ZC3H12B: variants seen among roughly 807,000 people sequenced by gnomAD.
ZC3H12B encodes probable ribonuclease ZC3H12B.
A neutral mutation model predicts 43.9 loss-of-function variants in ZC3H12B; 7 were observed. That is an observed-to-expected ratio of 0.16 (90% CI 0.09 to 0.30). The LOEUF (loss-of-function observed/expected upper bound fraction) is 0.30. ZC3H12B is among the 10% of genes least tolerant of loss of function. The pLI is 1.00. For missense variants in ZC3H12B, 475 were observed against 670.2 expected, an observed-to-expected ratio of 0.71 and a Z score of 3.22; for synonymous variants, 222 against 241.7, an observed-to-expected ratio of 0.92 and a Z score of 0.76.
chrX:65,206,108 T>C, the ZC3H12B span, among the ~76,000 whole-genome samples: 1 of 111,875 alleles, frequency 8.9e-6, no homozygotes, highest in Non-Finnish European at 1.9e-5. Flanking sequence ...ACAAATTCAA[T>C]GCAATTTGAA....
At chrX:65,475,801 T>A (rs190084972) in intron 3 of ZC3H12B, among the ~76,000 whole-genome samples, 2 of 111,555 alleles carry the variant, frequency 1.8e-5, no homozygotes, top group Admixed American at 9.5e-5. Context: ...AACCATCAGA[T>A]CTCCTGAGAC....
At chrX:65,349,474 C>G in the ZC3H12B span, among the ~76,000 whole-genome samples, 9 of 111,472 alleles carry the variant, frequency 8.1e-5, no homozygotes, top group Admixed American at 8.6e-4. Context: ...CAACAGCGAA[C>G]AAATTCAAAA....
At chrX:65,378,302 A>T (rs748523323) in intron 2 of ZC3H12B, among the ~76,000 whole-genome samples, 1 of 111,792 alleles carries the variant, frequency 8.9e-6, no homozygotes, top group African/African-American at 3.3e-5. Context: ...AAATTGAAAG[A>T]TTAAAAAGAC....
rs753256383 is a variant in ZC3H12B, at chrX:65,472,564, T to C, written n.408-16082T>C. ...AAATTCAGCAGTTTTGTATCTTATG[T>C]TTAAGTCTTTAATCCAATTTGAGTT... is the stretch of plus-strand genomic sequence containing the variant. On this transcript the variant is annotated intron_variant and non_coding_transcript_variant, in intron 3 of 5. Coordinates refer to the ZC3H12B transcript ENST00000617377. 1.8e-3 allele frequency among the ~76,000 whole-genome samples: 193 copies of C among 109,079 alleles called. 1 individual carries two copies. The highest frequency in any genetic ancestry group is 6.4e-3 in the African/African-American group (193 of 30,018). The allele number at this position is 109,079 out of a possible 115,157, so 94.7% of individuals were successfully genotyped here.
chrX:65,295,345 T>A, the ZC3H12B span, among the ~76,000 whole-genome samples: 1 of 111,641 alleles, frequency 9.0e-6, no homozygotes, highest in Non-Finnish European at 1.9e-5. Context: ...ATTTAAAAAA[T>A]TATTTGAACT....
At chrX:65,101,959 G>A in the ZC3H12B span, among the ~76,000 whole-genome samples, 1 of 112,292 alleles carries the variant, frequency 8.9e-6, no homozygotes, top group Non-Finnish European at 1.9e-5. Flanking sequence ...CAATATCCCT[G>A]ATGAACATCG....
chrX:65,157,484 G>C, the ZC3H12B span, among the ~76,000 whole-genome samples: 2 of 111,282 alleles, frequency 1.8e-5, no homozygotes, highest in South Asian at 7.4e-4. Context: ...TTTTTGCCTT[G>C]GTCTATTTGG....
the ZC3H12B span, among the ~76,000 whole-genome samples, chrX:65,125,958 C>A: frequency 9.1e-6 from 1 of 109,354 alleles, no homozygotes; most frequent in Non-Finnish European, 1.9e-5. Flanking sequence ...ACATTTAGGC[C>A]GTTTACTTTC....
At position 65,502,914 on chromosome X, in the gene ZC3H12B, C is replaced by T. The variant is rs985114779; in HGVS notation, c.2216C>T (p.Ser739Phe). Residue 739 changes from serine (S) to phenylalanine (F), a missense_variant, in exon 5 of 5, where the codon TCC (serine) becomes TTC (phenylalanine). By Grantham distance (155) the Ser-to-Phe change is radical. Around this residue, in one of 3 missense-constraint regions of ZC3H12B, gnomAD observed 289 missense variants for 359.9 expected, o/e 0.80. Transcript: ENST00000338957. ...GACCCGCTGCCCTGTACAACTGACT[C>T]CTATGGCTACCACTCCTATCCCTTG... The T allele has an allele frequency of 2.7e-5, 33 of 1,209,854 alleles. No homozygotes were observed. Among genetic ancestry groups the T allele is most frequent in the Admixed American group, 8.7e-5 (4 of 45,734 alleles).
At chrX:65,090,795 G>A in the ZC3H12B span, among the ~76,000 whole-genome samples, 8 of 111,719 alleles carry the variant, frequency 7.2e-5, no homozygotes, top group African/African-American at 2.6e-4. Flanking sequence ...CCCAGTATTG[G>A]AGGTGAGGCC....
intron 4 of ZC3H12B, among the ~76,000 whole-genome samples, chrX:65,500,710 T>G (rs1254620346): frequency 9.0e-6 from 1 of 110,561 alleles, no homozygotes; most frequent in Non-Finnish European, 1.9e-5. Flanking sequence ...ATTACAGGCA[T>G]GAGCCACCGT....
At chrX:65,151,892 T>G in the ZC3H12B span, among the ~76,000 whole-genome samples, 1 of 111,897 alleles carries the variant, frequency 8.9e-6, no homozygotes, top group East Asian at 2.8e-4. Context: ...CATGATCAAG[T>G]GGGCTTCATC....
At chrX:65,367,109 C>T (rs2066183835) in intron 1 of ZC3H12B, among the ~76,000 whole-genome samples, 1 of 111,965 alleles carries the variant, frequency 8.9e-6, no homozygotes, top group African/African-American at 3.2e-5. Flanking sequence ...TTCTTAGTGT[C>T]CTTCCTGACT....
chrX:65,176,602 C>A, the ZC3H12B span, among the ~76,000 whole-genome samples: 1 of 111,542 alleles, frequency 9.0e-6, no homozygotes, highest in Non-Finnish European at 1.9e-5. Context: ...GGGATAACAC[C>A]GCTGATCCCA....
At chrX:65,046,105 A>G in the ZC3H12B span, among the ~76,000 whole-genome samples, 28 of 111,567 alleles carry the variant, frequency 2.5e-4, no homozygotes, top group East Asian at 6.2e-3. Flanking sequence ...TAACATAATT[A>G]TTATGGGCCC....
At chrX:65,123,133 T>A in the ZC3H12B span, among the ~76,000 whole-genome samples, 1 of 112,222 alleles carries the variant, frequency 8.9e-6, no homozygotes, top group East Asian at 2.8e-4. Context: ...GTTTTTAGCA[T>A]GAAATGCTGT....
the ZC3H12B span, among the ~76,000 whole-genome samples, chrX:65,222,602 A>AAATAATAAT: frequency 2.6e-4 from 24 of 91,144 alleles, no homozygotes; most frequent in South Asian, 5.7e-4. Context: ...AATAGCTGCA[A>AAATAATAAT]AATAATAATA....
At chrX:65,394,059 T>A (rs1043497399) in intron 2 of ZC3H12B, among the ~76,000 whole-genome samples, 1 of 112,489 alleles carries the variant, frequency 8.9e-6, no homozygotes, top group East Asian at 2.8e-4. Flanking sequence ...TTGGTTTTTT[T>A]CTTGTAAATT....
the ZC3H12B span, among the ~76,000 whole-genome samples, chrX:65,194,440 C>A: frequency 9.0e-6 from 1 of 110,906 alleles, no homozygotes; most frequent in Non-Finnish European, 1.9e-5. Context: ...ACTCACTGAT[C>A]ATTCAGGGAA....
Sources: gnomAD v4.1 joint callset for allele counts (sites outside exome capture counted in the v4.1 genomes callset) on GRCh38, gnomAD v4.1.1 for gene constraint, gnomAD v4.1.1 regional missense constraint, MANE v1.5 for transcripts, NCBI Gene and HGNC (gene_info 2026-07-23, HGNC 2026-07-21) for gene names.